MACROD2: variants seen among roughly 807,000 people sequenced by gnomAD.
The protein encoded by MACROD2 is mono-ADP ribosylhydrolase 2, also known as ADP-ribose glycohydrolase MACROD2.
A neutral mutation model predicts 70.4 loss-of-function variants in MACROD2; 36 were observed. The ratio of observed to expected loss-of-function variants is 0.51; its 90% CI spans 0.39 to 0.68. The LOEUF is 0.68. Among genes scored for constraint, MACROD2 ranks in the 30% least tolerant of loss-of-function variants. The probability of loss-of-function intolerance (pLI) is 0.00; values close to 1 mark genes in which losing one functional copy is unlikely to be tolerated. For missense variants in MACROD2, 496 were observed against 538.4 expected (o/e 0.92, Z 0.78); for synonymous variants, 172 against 178.8 (o/e 0.96, Z 0.30).
At chr20:14,687,402 T>C (rs534801238) in intron 5 of MACROD2, among the ~76,000 whole-genome samples, 1 of 152,348 alleles carries the variant, frequency 6.6e-6, no homozygotes, top group Admixed American at 6.5e-5. Context: ...TTTGAATAAG[T>C]TATTCAGTTT....
chr20:15,631,066 T>C (rs970218037), intron 8 of MACROD2, among the ~76,000 whole-genome samples: 2 of 152,354 alleles, frequency 1.3e-5, no homozygotes, highest in East Asian at 3.9e-4. Context: ...AATTAGTTTG[T>C]TTTGTAAAAC....
chr20:14,690,811 G>T (rs2071054151), intron 5 of MACROD2, among the ~76,000 whole-genome samples: 1 of 152,190 alleles, frequency 6.6e-6, no homozygotes, highest in African/African-American at 2.4e-5. Context: ...GAGTTGAGTT[G>T]TAGCTACAGG....
intron 8 of MACROD2, among the ~76,000 whole-genome samples, chr20:15,554,733 G>C (rs981793075): frequency 6.6e-6 from 1 of 152,278 alleles, no homozygotes; most frequent in South Asian, 2.1e-4. Context: ...GGGTAGGAAG[G>C]TTAAATGGAA....
At chr20:14,810,608 A>G (rs572834701) in intron 5 of MACROD2, among the ~76,000 whole-genome samples, 1 of 152,234 alleles carries the variant, frequency 6.6e-6, no homozygotes, top group Admixed American at 6.5e-5. Context: ...GACAAGAGAA[A>G]GAAATGAAGG....
intron 7 of MACROD2, among the ~76,000 whole-genome samples, chr20:15,469,307 G>A (rs2046934939): frequency 6.6e-6 from 1 of 152,200 alleles, no homozygotes; most frequent in Admixed American, 6.5e-5. Flanking sequence ...GAAATGAAAG[G>A]TAGAATTCAT....
At chr20:15,168,727 G>C (rs1292961786) in intron 5 of MACROD2, among the ~76,000 whole-genome samples, 2 of 152,108 alleles carry the variant, frequency 1.3e-5, no homozygotes, top group African/African-American at 4.8e-5. Context: ...AGTTCCTGTA[G>C]TCCCAGATAC....
intron 3 of MACROD2, among the ~76,000 whole-genome samples, chr20:14,207,868 C>T (rs2081537700): frequency 6.6e-6 from 1 of 152,152 alleles, no homozygotes; most frequent in Non-Finnish European, 1.5e-5. Flanking sequence ...TTTTTGAATG[C>T]AAATGCAAGG....
chr20:14,103,692 T>TGCAATAGTACATTTTAAAATTTGAG (rs1218491074), intron 3 of MACROD2, among the ~76,000 whole-genome samples: 1 of 152,172 alleles, frequency 6.6e-6, no homozygotes, highest in African/African-American at 2.4e-5. Context: ...ACAAAACTGG[T>TGCAATAGTACATTTTAAAATTTGAG]GCAATAGTAC....
intron 4 of MACROD2, among the ~76,000 whole-genome samples, chr20:14,526,952 A>T (rs1040332090): frequency 6.6e-6 from 1 of 152,082 alleles, no homozygotes; most frequent in Non-Finnish European, 1.5e-5. Context: ...GTATCCTGGG[A>T]CTCTTGCCTT....
chr20:14,615,554 T>C (rs1983429150), intron 4 of MACROD2, among the ~76,000 whole-genome samples: 1 of 152,128 alleles, frequency 6.6e-6, no homozygotes, highest in South Asian at 2.1e-4. Context: ...AAGGTGTTCC[T>C]GGTATAGGAA....
At chr20:15,681,840 T>C (rs1004195772) in intron 8 of MACROD2, among the ~76,000 whole-genome samples, 6 of 152,248 alleles carry the variant, frequency 3.9e-5, no homozygotes, top group Admixed American at 2.0e-4. Flanking sequence ...ATTGCCAACA[T>C]GCTTCTTTTC....
At chr20:14,917,920 G>A (rs1412624583) in intron 5 of MACROD2, among the ~76,000 whole-genome samples, 1 of 152,098 alleles carries the variant, frequency 6.6e-6, no homozygotes, top group Non-Finnish European at 1.5e-5. Flanking sequence ...GAATTCAGCA[G>A]CAAAAAGGAG....
rs1168730876 is a variant in MACROD2, at chr20:14,638,962, A to AG, written c.302-45881_302-45880insG. On this transcript the variant is annotated intron_variant, in intron 4 of 17. Coordinates refer to ENST00000684519, the MANE Select transcript of MACROD2 (RefSeq NM_001351661.2). ...AAGACTATGTCTCAAAAAAAAAAAA[A>AG]AAAGAAAGAATTAAATGAGTGAATA... Among the ~76,000 whole-genome samples, 681 of 152,126 alleles carry AG rather than the reference A, an allele frequency of 4.5e-3. 6 individuals carry two copies. The highest frequency in any genetic ancestry group is 0.015 in the African/African-American group (642 of 41,484).
intron 5 of MACROD2, among the ~76,000 whole-genome samples, chr20:14,881,025 T>A (rs541653627): frequency 4.6e-5 from 7 of 152,156 alleles, no homozygotes; most frequent in Non-Finnish European, 8.8e-5. Flanking sequence ...TGTGCATGAG[T>A]CCTTGAAAGC....
chr20:14,485,811 G>A (rs917265640), intron 3 of MACROD2, among the ~76,000 whole-genome samples: 1 of 150,804 alleles, frequency 6.6e-6, no homozygotes, highest in Non-Finnish European at 1.5e-5. Context: ...GTTCAAATGA[G>A]TATGTATTAT....
chr20:15,850,851 A>G (rs1416223968), intron 8 of MACROD2, among the ~76,000 whole-genome samples: 1 of 152,142 alleles, frequency 6.6e-6, no homozygotes, highest in African/African-American at 2.4e-5. Flanking sequence ...GGTTACATGT[A>G]TAGCGTATAT....
At chr20:15,839,289 C>G (rs144525243) in intron 8 of MACROD2, among the ~76,000 whole-genome samples, 5 of 152,030 alleles carry the variant, frequency 3.3e-5, no homozygotes, top group African/African-American at 1.2e-4. Context: ...CATGATGAAC[C>G]GAACCATTGG....
intron 8 of MACROD2, among the ~76,000 whole-genome samples, chr20:15,540,544 G>A (rs1056135416): frequency 6.6e-6 from 1 of 152,168 alleles, no homozygotes; most frequent in Admixed American, 6.5e-5. Flanking sequence ...TCTCAAACTT[G>A]GATGCTGGGG....
intron 4 of MACROD2, among the ~76,000 whole-genome samples, chr20:14,663,601 A>G (rs539250829): frequency 2.1e-3 from 309 of 148,022 alleles, no homozygotes; most frequent in Non-Finnish European, 3.1e-3. Flanking sequence ...TATAATGGTC[A>G]TATATATATG....
Sources: gnomAD v4.1 joint callset for allele counts (sites outside exome capture counted in the v4.1 genomes callset) on GRCh38, gnomAD v4.1.1 for gene constraint, MANE v1.5 for transcripts, NCBI Gene and HGNC (gene_info 2026-07-23, HGNC 2026-07-21) for gene names.